CGB7: variants seen among roughly 807,000 people sequenced by gnomAD.
CGB7 encodes choriogonadotropin subunit beta 7.
A neutral mutation model predicts 7.3 loss-of-function variants in CGB7; 6 were observed. That is an observed-to-expected ratio of 0.82 (90% CI 0.45 to 1.62). CGB7 has a LOEUF of 1.62. CGB7 is among the 40% of genes most tolerant of loss of function. The probability of loss-of-function intolerance (pLI) is 0.01; values close to 1 mark genes in which losing one functional copy is unlikely to be tolerated. For synonymous variants in CGB7, 47 were observed against 100.8 expected, an observed-to-expected ratio of 0.47 and a Z score of 3.20; for missense variants, 114 against 236.2, an observed-to-expected ratio of 0.48 and a Z score of 3.39.
chr19:49,057,741 G>C lies in CGB7; in HGVS notation c.-1628C>G. ...TTCCAGCCCCTGGTCCTTCTGGCCT[G>C]GCGTGGATGCCCAGCCCTTCCTCCC... On this transcript the variant is annotated 5_prime_UTR_variant, in exon 1 of 5. Coordinates refer to ENST00000684222, the MANE Select transcript of CGB7 (RefSeq NM_001385261.1). 1.5e-6 allele frequency: 2 copies of C among 1,335,194 alleles called. No individual in the cohort carries two copies. Among genetic ancestry groups the C allele is most frequent in the Non-Finnish European group, 1.9e-6 (2 of 1,045,510 alleles). 82.7% of individuals were successfully genotyped at this position (1,335,194 alleles called of 1,614,324 possible). A position where few individuals can be genotyped will look rare whatever the true frequency, so the allele number is the denominator to read the frequency against.
At position 49,057,110 on chromosome 19, in the gene CGB7, G is replaced by A. The variant is rs1188019112; in HGVS notation, c.-1221+11C>T. 1.3e-6 allele frequency: 2 copies of A among 1,533,300 alleles called. No individual in the cohort carries two copies. The highest frequency in any genetic ancestry group is 2.4e-5 in the East Asian group (1 of 40,870). The allele number at this position is 1,533,300 out of a possible 1,614,324, so 95.0% of individuals were successfully genotyped here. On this transcript the variant is annotated intron_variant, in intron 2 of 4. Coordinates refer to ENST00000684222, the MANE Select transcript of CGB7 (RefSeq NM_001385261.1). ...GTGCAGGAGGCGGTGCCGAGCGAGA[G>A]CCCGGCTTACTTGGGATAGAACCGA...
In CGB7 at chr19:49,056,201, G is replaced by C. The variant is rs2040060236; in HGVS notation, c.-826C>G. 8 of 1,272,982 alleles carry C rather than the reference G, an allele frequency of 6.3e-6. No homozygotes were observed. The highest frequency in any genetic ancestry group is 8.2e-6 in the Non-Finnish European group (8 of 979,398). 78.9% of individuals were successfully genotyped at this position (1,272,982 alleles called of 1,614,324 possible). On this transcript the variant is annotated 5_prime_UTR_variant, in exon 3 of 5. Transcript: ENST00000684222. ...CTAGGTCCGACACCGCGTAGTGAGC[G>C]GCTGCCCAGAGCTCTGCTCCGCCCC... is the stretch of plus-strand genomic sequence containing the variant.
In CGB7 at chr19:49,054,875, T is replaced by C. The variant is rs1407706550; in HGVS notation, c.149A>G (p.Asn50Ser). ...KEGCPVCITV[N>S]TTICAGYCPT... Reference sequence around the variant, plus strand: ...GCAGTAGCCGGCACAGATGGTGGTGTTGACGGTGATGCACACGGGGCAGCC... The same window carrying C: ...GCAGTAGCCGGCACAGATGGTGGTGCTGACGGTGATGCACACGGGGCAGCC... The change falls in exon 4 of 5, where the codon AAC becomes AGC. Residue 50 changes from asparagine (N) to serine (S), a missense_variant. Asn to Ser is a conservative substitution (Grantham distance 46). Coordinates refer to ENST00000684222, the MANE Select transcript of CGB7 (RefSeq NM_001385261.1). 2 of 1,589,492 alleles carry C rather than the reference T, an allele frequency of 1.3e-6. No homozygotes were observed. Among genetic ancestry groups the C allele is most frequent in the Admixed American group, 3.4e-5 (2 of 59,068 alleles).
chr19:49,057,718 C>A lies in CGB7; in HGVS notation c.-1605G>T. 1 of 1,300,716 alleles carries A rather than the reference C, an allele frequency of 7.7e-7. No individual in the cohort carries two copies. The highest frequency in any genetic ancestry group is 9.8e-7 in the Non-Finnish European group (1 of 1,024,574). The allele number at this position is 1,300,716 out of a possible 1,614,324, so 80.6% of individuals were successfully genotyped here. A position where few individuals can be genotyped will look rare whatever the true frequency, so the allele number is the denominator to read the frequency against. On this transcript the variant is annotated 5_prime_UTR_variant, in exon 1 of 5. Transcript: ENST00000684222. ...GCTTAGGAGCCCTGAAGGCGAGTTT[C>A]CAGCCCCTGGTCCTTCTGGCCTGGC...
chr19:49,055,289 T>G (rs1253481421), intron 3 of CGB7, 72 bp downstream of exon 3: 42 of 1,608,060 alleles, frequency 2.6e-5, no homozygotes, highest in East Asian at 1.3e-4. Flanking sequence ...CAGCTCACAC[T>G]GGTCTGCCCC....
At position 49,056,126 on chromosome 19, in the gene CGB7, G is replaced by A. The variant is rs2040058437; in HGVS notation, c.-751C>T. 2 of 1,201,538 alleles carry A rather than the reference G, an allele frequency of 1.7e-6. No homozygotes were observed. The highest frequency in any genetic ancestry group is 2.9e-5 in the South Asian group (2 of 67,972). The allele number at this position is 1,201,538 out of a possible 1,614,324, so 74.4% of individuals were successfully genotyped here. A position where few individuals can be genotyped will look rare whatever the true frequency, so the allele number is the denominator to read the frequency against. ...AGCCGCAGCTGAGTGGGCGTGTCTG[G>A]GCTAGTCCTGTCCCCACACTGCGGA... On this transcript the variant is annotated 5_prime_UTR_variant, in exon 3 of 5. Transcript: ENST00000684222.
chr19:49,057,478 C>G lies in CGB7; in HGVS notation c.-1365G>C. ...CAGCCTCACCTCCCTAAATCCAAGC[C>G]CTCCTGCTGGTCAAGGAACTCAAAT... is the stretch of plus-strand genomic sequence containing the variant. On this transcript the variant is annotated 5_prime_UTR_variant, in exon 1 of 5. Transcript: ENST00000684222. The G allele has an allele frequency of 7.8e-7, 1 of 1,279,002 alleles. No individual in the cohort carries two copies. The highest frequency in any genetic ancestry group is 9.9e-7 in the Non-Finnish European group (1 of 1,005,862). The allele number at this position is 1,279,002 out of a possible 1,614,324, so 79.2% of individuals were successfully genotyped here. A position where few individuals can be genotyped will look rare whatever the true frequency, so the allele number is the denominator to read the frequency against.
At chr19:49,057,306 A>T (rs1471882485) in intron 1 of CGB7, 58 bp from the exon 2 acceptor site, 6 of 1,489,634 alleles carry the variant, frequency 4.0e-6, no homozygotes, top group Non-Finnish European at 5.4e-6. Context: ...CCCCATCCCA[A>T]GTCCTGGGTC....
At position 49,055,033 on chromosome 19, in the gene CGB7, C is replaced by T. The variant is rs765419120; in HGVS notation, c.16-25G>A. ...CCTGGGACAAGGACACTGCTTCACC[C>T]GGGCCTGAGACCACAGCCCTGAGCC... On this transcript the variant is annotated intron_variant, in intron 3 of 4. Transcript: ENST00000684222. 26 of 1,601,152 alleles carry T rather than the reference C, an allele frequency of 1.6e-5. No individual in the cohort carries two copies. The Admixed American group carries it at 2.5e-4, about 15-fold the overall frequency.
chr19:49,057,012 C>T (rs2040073990), intron 2 of CGB7, 109 bp downstream of exon 2: 2 of 1,203,622 alleles, frequency 1.7e-6, no homozygotes, highest in Non-Finnish European at 1.2e-6. Flanking sequence ...CTATAGGAGT[C>T]GAGACTGAGA....
rs1366838856 is a variant in CGB7, at chr19:49,054,844, G to C, written c.180C>G (p.Thr60=). 6.9e-6 allele frequency: 11 copies of C among 1,584,414 alleles called. No homozygotes were observed. The highest frequency in any genetic ancestry group is 9.4e-6 in the Non-Finnish European group (11 of 1,172,428). ...GCCCGGGCCCCGGGCAGCTCACCATGGTGGGGCAGTAGCCGGCACAGATGG... is the reference window on the plus strand; with the variant it reads ...GCCCGGGCCCCGGGCAGCTCACCATCGTGGGGCAGTAGCCGGCACAGATGG... ...NTTICAGYCP[T]MTRVLQGVLP... The change falls in exon 4 of 5, where the codon ACC becomes ACG. Residue 60 remains threonine, a synonymous_variant. Coordinates refer to ENST00000684222, the MANE Select transcript of CGB7 (RefSeq NM_001385261.1).
At position 49,057,492 on chromosome 19, in the gene CGB7, A is replaced by G; in HGVS notation, c.-1379T>C. On this transcript the variant is annotated 5_prime_UTR_variant, in exon 1 of 5. Transcript: ENST00000684222. ...TAAATCCAAGCCCTCCTGCTGGTCA[A>G]GGAACTCAAATGCAGGCCCCCAGCC... The G allele has an allele frequency of 8.0e-7, 1 of 1,256,358 alleles. No homozygotes were observed. Among genetic ancestry groups the G allele is most frequent in the Non-Finnish European group, 1.0e-6 (1 of 992,848 alleles). The allele number at this position is 1,256,358 out of a possible 1,614,324, so 77.8% of individuals were successfully genotyped here.
In CGB7 at chr19:49,055,798, G is replaced by A. The variant is rs996129262; in HGVS notation, c.-423C>T. On this transcript the variant is annotated 5_prime_UTR_variant, in exon 3 of 5. Coordinates refer to ENST00000684222, the MANE Select transcript of CGB7 (RefSeq NM_001385261.1). ...TCCTGCACCACAGTCCAACCTAACA[G>A]GAGGGGCGCGGCTTCGGACTTAGCT... The A allele has an allele frequency of 1.0e-5, 11 of 1,104,126 alleles. No homozygotes were observed. In the Admixed American group the frequency reaches 4.5e-4, roughly 45 times the overall value. 68.4% of individuals were successfully genotyped at this position (1,104,126 alleles called of 1,614,324 possible). A position where few individuals can be genotyped will look rare whatever the true frequency, so the allele number is the denominator to read the frequency against.
Position 49,055,933 on chromosome 19 carries a change from C to A in CGB7, c.-558G>T. 9.1e-7 allele frequency: 1 copy of A among 1,097,172 alleles called. No individual in the cohort carries two copies. The highest frequency in any genetic ancestry group is 1.7e-5 in the African/African-American group (1 of 60,314). The allele number at this position is 1,097,172 out of a possible 1,614,324, so 68.0% of individuals were successfully genotyped here. A position where few individuals can be genotyped will look rare whatever the true frequency, so the allele number is the denominator to read the frequency against. On this transcript the variant is annotated 5_prime_UTR_variant, in exon 3 of 5. Coordinates refer to ENST00000684222, the MANE Select transcript of CGB7 (RefSeq NM_001385261.1). ...CCGAGCCCCACCTCTCCCTTAGGAA[C>A]CTCCGCCCACCCTACCCTCAAGCCA...
chr19:49,056,588 G>C lies in CGB7; in HGVS notation c.-1213C>G. On this transcript the variant is annotated 5_prime_UTR_variant, in exon 3 of 5. Coordinates refer to ENST00000684222, the MANE Select transcript of CGB7 (RefSeq NM_001385261.1). ...TAGTCCTTGCGGGGGTATCCGGACG[G>C]CTCCGTCCTGTGGGAGCAGGGCGGG... 1 of 1,286,678 alleles carries C rather than the reference G, an allele frequency of 7.8e-7. No homozygotes were observed. Among genetic ancestry groups the C allele is most frequent in the Non-Finnish European group, 1.0e-6 (1 of 986,486 alleles). 79.7% of individuals were successfully genotyped at this position (1,286,678 alleles called of 1,614,324 possible). A position where few individuals can be genotyped will look rare whatever the true frequency, so the allele number is the denominator to read the frequency against.
rs1443603631 is a variant in CGB7, at chr19:49,056,600, G to T, written c.-1220-5C>A. The stretch of plus-strand genomic sequence containing the variant: ...GGGTATCCGGACGGCTCCGTCCTGT[G>T]GGAGCAGGGCGGGATGGTGAGGATA... On this transcript the variant is annotated splice_polypyrimidine_tract_variant and splice_region_variant and intron_variant, in intron 2 of 4. Transcript: ENST00000684222. 1 of 1,280,040 alleles carries T rather than the reference G, an allele frequency of 7.8e-7. No individual in the cohort carries two copies. The highest frequency in any genetic ancestry group is 1.2e-5 in the South Asian group (1 of 80,106). 79.3% of individuals were successfully genotyped at this position (1,280,040 alleles called of 1,614,324 possible).
In CGB7 at chr19:49,055,415, C is replaced by T. The variant is rs779624657; in HGVS notation, c.-40G>A. The T allele has an allele frequency of 9.9e-6, 16 of 1,609,998 alleles. No individual in the cohort carries two copies. The South Asian group carries it at 1.2e-4, about 12-fold the overall frequency. On this transcript the variant is annotated 5_prime_UTR_variant, in exon 3 of 5. Transcript: ENST00000684222. ...CTGCCTGGTGTACCTGGCTTTATACCTCGGGTTTGTGGGGGCGTCAAGGCC... is the reference window on the plus strand; with the variant it reads ...CTGCCTGGTGTACCTGGCTTTATACTTCGGGTTTGTGGGGGCGTCAAGGCC...
chr19:49,055,801 G>A lies in CGB7; in HGVS notation c.-426C>T, dbSNP rs556463705. 5.3e-5 allele frequency: 58 copies of A among 1,102,810 alleles called. No individual in the cohort carries two copies. The African/African-American group carries it at 9.2e-4, about 17-fold the overall frequency. 68.3% of individuals were successfully genotyped at this position (1,102,810 alleles called of 1,614,324 possible). Reference sequence around the variant, plus strand: ...TGCACCACAGTCCAACCTAACAGGAGGGGCGCGGCTTCGGACTTAGCTTCT... The same window carrying A: ...TGCACCACAGTCCAACCTAACAGGAAGGGCGCGGCTTCGGACTTAGCTTCT... On this transcript the variant is annotated 5_prime_UTR_variant, in exon 3 of 5. Transcript: ENST00000684222.
rs1378267976 is a variant in CGB7 at position 49,057,222 on chromosome 19, G to A, written c.-1322C>T. The A allele has an allele frequency of 2.6e-6, 4 of 1,533,924 alleles. No individual in the cohort carries two copies. Among genetic ancestry groups the A allele is most frequent in the Non-Finnish European group, 3.5e-6 (4 of 1,146,212 alleles). On this transcript the variant is annotated 5_prime_UTR_variant, in exon 2 of 5. Coordinates refer to ENST00000684222, the MANE Select transcript of CGB7 (RefSeq NM_001385261.1). The stretch of plus-strand genomic sequence containing the variant: ...CTGTGAAGGGTGGGCCAGACAGCGC[G>A]GGGTTCTTCGTGCAGGCGATTAGAG...
Sources: allele counts gnomAD v4.1 joint callset, GRCh38; gene constraint gnomAD v4.1.1; transcripts MANE v1.5; gene names NCBI Gene and HGNC (gene_info 2026-07-23, HGNC 2026-07-21).